Variants in LINGO2 observed in about 807,000 individuals in gnomAD.
The protein encoded by LINGO2 is leucine rich repeat and Ig domain containing 2.
LINGO2 carries 14 observed loss-of-function variants against 30.6 expected under a neutral mutation model. The observed-to-expected ratio is 0.46, with a 90% CI of 0.30 to 0.72. LINGO2 has a LOEUF of 0.72. Ranked by LOEUF, LINGO2 falls within the 30% of genes least tolerant of loss-of-function variation. LINGO2 has a pLI of 0.07. For synonymous variants in LINGO2, 317 were observed against 288.5 expected (o/e 1.10, Z -1.00); for missense variants, 729 against 751.7 (o/e 0.97, Z 0.35).
At chr9:28,896,169 A>T in the LINGO2 span, among the ~76,000 whole-genome samples, 1 of 152,204 alleles carries the variant, frequency 6.6e-6, no homozygotes, top group South Asian at 2.1e-4. Context: ...AAAAGAAGCA[A>T]ACATTTGCAA....
chr9:28,009,177 T>C (rs933645213), intron 5 of LINGO2, among the ~76,000 whole-genome samples: 13 of 150,342 alleles, frequency 8.6e-5, no homozygotes, highest in Non-Finnish European at 5.9e-5. Flanking sequence ...CTGAGACAAA[T>C]GGATATCCAT....
chr9:28,342,891 T>C (rs1448687137), intron 3 of LINGO2, among the ~76,000 whole-genome samples: 1 of 152,112 alleles, frequency 6.6e-6, no homozygotes, highest in Non-Finnish European at 1.5e-5. Context: ...CAGCTAGAAT[T>C]GGTCTCGCTG....
At chr9:28,726,302 C>T in the LINGO2 span, among the ~76,000 whole-genome samples, 2 of 151,914 alleles carry the variant, frequency 1.3e-5, no homozygotes, top group Admixed American at 6.6e-5. Context: ...TTAATATAAT[C>T]AAGAGGAAGA....
intron 3 of LINGO2, among the ~76,000 whole-genome samples, chr9:28,298,499 CA>C (rs113910404): frequency 0.1 from 11,588 of 112,280 alleles, 726 homozygotes; most frequent in East Asian, 0.41. Context: ...CTGTCTCTAC[CA>C]AAAAAAAAAA....
At chr9:28,630,927 T>C (rs1826908285) in intron 1 of LINGO2, among the ~76,000 whole-genome samples, 1 of 151,338 alleles carries the variant, frequency 6.6e-6, no homozygotes, top group Admixed American at 6.6e-5. Flanking sequence ...GAGCATAAAA[T>C]ATTCACCCCC....
At chr9:29,000,064 T>C in the LINGO2 span, among the ~76,000 whole-genome samples, 2 of 152,006 alleles carry the variant, frequency 1.3e-5, no homozygotes, top group African/African-American at 4.8e-5. Flanking sequence ...TTTACATCCA[T>C]GAATGTATGA....
intron 2 of LINGO2, among the ~76,000 whole-genome samples, chr9:28,438,827 C>CATATATAT (rs200082723): frequency 0.011 from 1,411 of 130,758 alleles, 18 homozygotes; most frequent in African/African-American, 0.038. Context: ...AAAATATATA[C>CATATATAT]ATATATATAT....
At chr9:28,182,692 C>G (rs993433730) in intron 4 of LINGO2, among the ~76,000 whole-genome samples, 2 of 151,892 alleles carry the variant, frequency 1.3e-5, no homozygotes, top group African/African-American at 2.4e-5. Flanking sequence ...ACATGGCCAA[C>G]AAACATGAAA....
chr9:28,084,590 A>G (rs894519213), intron 4 of LINGO2, among the ~76,000 whole-genome samples: 25 of 152,134 alleles, frequency 1.6e-4, no homozygotes, highest in African/African-American at 5.8e-4. Context: ...ATTCCTATTT[A>G]CTGTATGAAG....
At chr9:28,143,745 T>G (rs1373258319) in intron 4 of LINGO2, among the ~76,000 whole-genome samples, 3 of 152,022 alleles carry the variant, frequency 2.0e-5, no homozygotes, top group Non-Finnish European at 4.4e-5. Flanking sequence ...GAAACTTTAG[T>G]GTCAATATCA....
the LINGO2 span, among the ~76,000 whole-genome samples, chr9:29,180,399 A>G: frequency 6.6e-6 from 1 of 152,206 alleles, no homozygotes; most frequent in Admixed American, 6.5e-5. Context: ...GGTTGAATGT[A>G]TATCCTTCTA....
At chr9:28,146,348 A>G (rs192134796) in intron 4 of LINGO2, among the ~76,000 whole-genome samples, 3 of 152,342 alleles carry the variant, frequency 2.0e-5, no homozygotes, top group East Asian at 1.9e-4. Context: ...AATAAAAACT[A>G]TAGAGTTATT....
intron 1 of LINGO2, among the ~76,000 whole-genome samples, chr9:28,610,937 AC>A (rs1356669297): frequency 2.0e-5 from 3 of 152,178 alleles, no homozygotes; most frequent in Non-Finnish European, 4.4e-5. Flanking sequence ...ATAATAAAAA[AC>A]AATATTAAGA....
the LINGO2 span, among the ~76,000 whole-genome samples, chr9:29,109,078 A>G: frequency 6.6e-6 from 1 of 152,200 alleles, no homozygotes; most frequent in Non-Finnish European, 1.5e-5. Context: ...ATTTATATAT[A>G]AGCCATCAGT....
chr9:28,646,209 A>G (rs1181682531), intron 1 of LINGO2, among the ~76,000 whole-genome samples: 1 of 152,048 alleles, frequency 6.6e-6, no homozygotes, highest in African/African-American at 2.4e-5. Flanking sequence ...CCATGTAAGA[A>G]AATAAGTAAG....
At chr9:28,426,145 A>C (rs1823401684) in intron 2 of LINGO2, among the ~76,000 whole-genome samples, 1 of 152,110 alleles carries the variant, frequency 6.6e-6, no homozygotes, top group Non-Finnish European at 1.5e-5. Flanking sequence ...AACAGATGAC[A>C]CACACATGCA....
intron 1 of LINGO2, among the ~76,000 whole-genome samples, chr9:28,581,504 A>G (rs1354658164): frequency 6.7e-6 from 1 of 150,294 alleles, no homozygotes; most frequent in Non-Finnish European, 1.5e-5. Flanking sequence ...TAAATAATAT[A>G]GTAAATTGTG....
intron 4 of LINGO2, among the ~76,000 whole-genome samples, chr9:28,196,695 TATC>T (rs1479948607): frequency 1.3e-5 from 2 of 151,952 alleles, no homozygotes. Flanking sequence ...AAACTTATGG[TATC>T]ATAATAAAAA....
the LINGO2 span, among the ~76,000 whole-genome samples, chr9:29,089,640 C>T: frequency 6.6e-6 from 1 of 151,944 alleles, no homozygotes; most frequent in Non-Finnish European, 1.5e-5. Context: ...GATCTTACTG[C>T]AATTTTATAA....
Sources: allele counts gnomAD v4.1 joint callset (sites outside exome capture counted in the v4.1 genomes callset), GRCh38; gene constraint gnomAD v4.1.1; transcripts MANE v1.5; gene names NCBI Gene and HGNC (gene_info 2026-07-23, HGNC 2026-07-21).